Variants in AATF observed in about 807,000 individuals in gnomAD.
The protein encoded by AATF is apoptosis antagonizing transcription factor.
AATF carries 48 observed loss-of-function variants against 63.7 expected under a neutral mutation model. The observed-to-expected ratio is 0.75, with a 90% CI of 0.60 to 0.96. AATF has a LOEUF of 0.96. Ranked by LOEUF, AATF falls within the 40% of genes least tolerant of loss-of-function variation. The pLI, the probability that AATF is intolerant of heterozygous loss-of-function variation, is 0.00. For missense variants in AATF, 639 were observed against 685.7 expected, an observed-to-expected ratio of 0.93 and a Z score of 0.76; for synonymous variants, 258 against 247.7, an observed-to-expected ratio of 1.04 and a Z score of -0.39.
At chr17:36,996,768 A>G (rs1197202334) in intron 8 of AATF, among the ~76,000 whole-genome samples, 1 of 152,352 alleles carries the variant, frequency 6.6e-6, no homozygotes, top group African/African-American at 2.4e-5. Flanking sequence ...AGCAAAAGCC[A>G]CATTTTTAAA....
intron 4 of AATF, among the ~76,000 whole-genome samples, chr17:36,960,486 A>G (rs1172575361): frequency 6.6e-6 from 1 of 152,222 alleles, no homozygotes; most frequent in African/African-American, 2.4e-5. Context: ...ATTCAAAAAT[A>G]CTAAAGACTA....
rs115015492 is a variant in AATF at position 37,025,366 on chromosome 17, T to C, written c.1547+4352T>C. Among the ~76,000 whole-genome samples, 178 of 152,294 alleles carry C rather than the reference T, an allele frequency of 1.2e-3. 1 individual carries two copies. Among genetic ancestry groups the C allele is most frequent in the Non-Finnish European group, 1.9e-3 (130 of 68,014 alleles). ...GATAGTTTGGCAACAGTTTAATTGC[T>C]GTTTACCCAGGGAGGGTACGGTGTG... On this transcript the variant is annotated intron_variant, in intron 10 of 11. Coordinates refer to ENST00000619387, the MANE Select transcript of AATF (RefSeq NM_012138.4).
At chr17:36,994,683 T>TA (rs1157116336) in intron 8 of AATF, among the ~76,000 whole-genome samples, 4 of 152,252 alleles carry the variant, frequency 2.6e-5, no homozygotes, top group African/African-American at 9.6e-5. Context: ...GTCTGTTTGT[T>TA]ATGTCATGAT....
chr17:37,001,405 G>GAAGAAGGA, intron 8 of AATF, among the ~76,000 whole-genome samples: 1 of 63,832 alleles, frequency 1.6e-5, no homozygotes, highest in East Asian at 5.7e-4. Flanking sequence ...AGGAGGGAGG[G>GAAGAAGGA]AGGAAGGAAG....
In AATF at chr17:36,950,385, A is replaced by G. The variant is rs368158277; in HGVS notation, c.263A>G (p.Gln88Arg). The change falls in exon 2 of 12, where the codon CAG (glutamine) becomes CGG (arginine). Residue 88 changes from glutamine to arginine, a missense_variant. Coordinates refer to ENST00000619387, the MANE Select transcript of AATF (RefSeq NM_012138.4). The stretch of plus-strand genomic sequence containing the variant: ...GCATGGAATGAAGACCATTGGGAGC[A>G]GACTCTGCCAGGATCGTCTGGTGAG... ...RKAWNEDHWE[Q>R]TLPGSSDEEI... The G allele has an allele frequency of 5.6e-6, 9 of 1,614,058 alleles. No individual in the cohort carries two copies. Among genetic ancestry groups the G allele is most frequent in the Non-Finnish European group, 7.6e-6 (9 of 1,180,002 alleles).
rs1465617385 is a variant in AATF at position 36,949,234 on chromosome 17, C to T, written c.91+18C>T. 1.2e-5 allele frequency: 19 copies of T among 1,576,124 alleles called. No individual in the cohort carries two copies. The highest frequency in any genetic ancestry group is 3.3e-4 in the Middle Eastern group (2 of 5,986). On this transcript the variant is annotated intron_variant, in intron 1 of 11. Transcript: ENST00000619387. ...CGAGGAAGGTGAGGCCGGACTGGGG[C>T]AGGCCACGTGCGGAGCGGTGGGCCA...
chr17:37,035,698 C>T (rs918045886), intron 11 of AATF, among the ~76,000 whole-genome samples: 10 of 142,954 alleles, frequency 7.0e-5, no homozygotes, highest in African/African-American at 1.7e-4. Context: ...TTACCTGCCT[C>T]GGCCTCCCAA....
At chr17:36,976,055 T>A (rs1045595354) in intron 4 of AATF, among the ~76,000 whole-genome samples, 2 of 152,126 alleles carry the variant, frequency 1.3e-5, no homozygotes, top group African/African-American at 4.8e-5. Context: ...TTTTTTCAAG[T>A]GTGGGAATCA....
intron 11 of AATF, among the ~76,000 whole-genome samples, chr17:37,037,180 C>A (rs2071600517): frequency 6.7e-6 from 1 of 148,224 alleles, no homozygotes; most frequent in African/African-American, 2.5e-5. Flanking sequence ...CACCCCCTGG[C>A]TAATTTTTGT....
At chr17:37,031,580 A>C in intron 10 of AATF, 34 bp from the exon 11 acceptor site, 2 of 1,549,596 alleles carry the variant, frequency 1.3e-6, no homozygotes, top group Non-Finnish European at 1.8e-6. Flanking sequence ...AATAGTTACT[A>C]ATGTTGCTGC....
At chr17:37,035,965 C>T (rs1450226121) in intron 11 of AATF, among the ~76,000 whole-genome samples, 1 of 151,776 alleles carries the variant, frequency 6.6e-6, no homozygotes, top group African/African-American at 2.4e-5. Context: ...ACTGTATTTT[C>T]TGGGCAGGAA....
At chr17:37,046,730 A>ACACACAC (rs71368439) in intron 11 of AATF, among the ~76,000 whole-genome samples, 6 of 139,970 alleles carry the variant, frequency 4.3e-5, no homozygotes, top group African/African-American at 5.4e-5. Context: ...GTGCTCCCCC[A>ACACACAC]ACACACACAC....
At chr17:37,015,403 GT>G (rs947742980) in intron 8 of AATF, among the ~76,000 whole-genome samples, 11 of 152,200 alleles carry the variant, frequency 7.2e-5, no homozygotes, top group African/African-American at 2.7e-4. Flanking sequence ...GAAGGTGGCA[GT>G]TTCTGTTGTC....
At chr17:36,992,862 C>T (rs1450976124) in intron 8 of AATF, among the ~76,000 whole-genome samples, 1 of 152,188 alleles carries the variant, frequency 6.6e-6, no homozygotes, top group East Asian at 1.9e-4. Flanking sequence ...CTGCCAGGCA[C>T]AACTTTATCT....
intron 2 of AATF, 116 bp downstream of exon 2, chr17:36,950,521 C>G: frequency 4.6e-6 from 5 of 1,086,050 alleles, no homozygotes; most frequent in Non-Finnish European, 3.9e-6. Context: ...TTTTTTGAGA[C>G]AGAGTTTGGC....
chr17:36,989,164 A>T, intron 6 of AATF, 83 bp from the exon 7 acceptor site: 1 of 1,414,828 alleles, frequency 7.1e-7, no homozygotes, highest in Non-Finnish European at 9.5e-7. Context: ...CTCTCTGCTG[A>T]CACAGAAAGA....
chr17:36,998,372 T>A (rs767496113), intron 8 of AATF, among the ~76,000 whole-genome samples: 3 of 152,236 alleles, frequency 2.0e-5, no homozygotes, highest in Non-Finnish European at 4.4e-5. Context: ...TTGTAAGATT[T>A]ACCCACTTAG....
chr17:37,019,459 T>G (rs1217027787), intron 9 of AATF, among the ~76,000 whole-genome samples: 4 of 152,222 alleles, frequency 2.6e-5, no homozygotes. Context: ...CAGTCGAATC[T>G]GCTTTGTTAG....
chr17:37,011,039 A>G (rs1283723605), intron 8 of AATF, among the ~76,000 whole-genome samples: 2 of 152,312 alleles, frequency 1.3e-5, no homozygotes, highest in East Asian at 3.9e-4. Flanking sequence ...AGGCAAGACC[A>G]TGTCTGTTTT....
Sources: gnomAD v4.1 joint callset for allele counts (sites outside exome capture counted in the v4.1 genomes callset) on GRCh38, gnomAD v4.1.1 for gene constraint, MANE v1.5 for transcripts, NCBI Gene and HGNC (gene_info 2026-07-23, HGNC 2026-07-21) for gene names.